PDHX: variants seen among roughly 807,000 people sequenced by gnomAD.
The protein encoded by PDHX is pyruvate dehydrogenase protein X component, mitochondrial.
A neutral mutation model predicts 55.3 loss-of-function variants in PDHX; 33 were observed. The observed-to-expected ratio is 0.60, with a 90% CI of 0.45 to 0.80. The LOEUF (loss-of-function observed/expected upper bound fraction) is 0.80, where lower values mean the gene tolerates loss of function less well. Among genes scored for constraint, PDHX ranks in the 30% least tolerant of loss-of-function variants. The pLI is 0.00. For missense variants in PDHX, 622 were observed against 619.9 expected (o/e 1.00, Z -0.04); for synonymous variants, 226 against 219.4 (o/e 1.03, Z -0.27).
intron 5 of PDHX, among the ~76,000 whole-genome samples, chr11:34,963,388 A>G (rs1032547234): frequency 6.6e-6 from 1 of 152,044 alleles, no homozygotes; most frequent in Non-Finnish European, 1.5e-5. Context: ...AAGTGGTCCT[A>G]TCACCTCAAC....
rs776560983 is a variant in PDHX, at chr11:34,984,563, T to C, written c.1024-7T>C. On this transcript the variant is annotated splice_polypyrimidine_tract_variant and splice_region_variant and intron_variant, in intron 8 of 10. Transcript: ENST00000227868. The stretch of plus-strand genomic sequence containing the variant: ...TTTTAGTAACATTTTTCTTTTTCTA[T>C]TTCTAGCAAATGCCAGATGTTAATG... 57 of 1,613,688 alleles carry C rather than the reference T, an allele frequency of 3.5e-5. No individual in the cohort carries two copies. The highest frequency in any genetic ancestry group is 4.3e-5 in the Non-Finnish European group (51 of 1,179,736).
intron 5 of PDHX, among the ~76,000 whole-genome samples, chr11:34,965,841 AT>A (rs1433813891): frequency 5.9e-5 from 9 of 152,154 alleles, no homozygotes; most frequent in East Asian, 3.9e-4. Context: ...ATATAAAACA[AT>A]TTTTTTTCTT....
intron 2 of PDHX, among the ~76,000 whole-genome samples, chr11:34,934,746 T>C (rs1199469756): frequency 6.6e-6 from 1 of 151,460 alleles, no homozygotes; most frequent in East Asian, 1.9e-4. Context: ...GCCTGGTTAG[T>C]TTTTTGTATT....
intron 2 of PDHX, among the ~76,000 whole-genome samples, chr11:34,941,217 ATAT>A (rs1434498069): frequency 6.6e-6 from 1 of 152,108 alleles, no homozygotes; most frequent in Non-Finnish European, 1.5e-5. Flanking sequence ...GGCCATGCAA[ATAT>A]TATCCTTCTT....
At chr11:34,937,804 C>G (rs570261836) in intron 2 of PDHX, among the ~76,000 whole-genome samples, 1 of 152,134 alleles carries the variant, frequency 6.6e-6, no homozygotes, top group African/African-American at 2.4e-5. Flanking sequence ...CTGGGCTGAT[C>G]GCCTCCCTGG....
intron 3 of PDHX, among the ~76,000 whole-genome samples, chr11:34,953,491 A>G (rs1278786909): frequency 1.3e-5 from 2 of 152,300 alleles, no homozygotes; most frequent in Admixed American, 1.3e-4. Flanking sequence ...TATCAACTCT[A>G]ATTTTTTCAT....
intron 2 of PDHX, among the ~76,000 whole-genome samples, chr11:34,941,418 G>A (rs754001983): frequency 7.2e-5 from 11 of 152,100 alleles, no homozygotes; most frequent in Admixed American, 2.0e-4. Flanking sequence ...TCATAGTGTC[G>A]CACACAGTGT....
At chr11:34,947,406 G>C in intron 2 of PDHX, 100 bp from the exon 3 acceptor site, 1 of 794,094 alleles carries the variant, frequency 1.3e-6, no homozygotes, top group Non-Finnish European at 2.1e-6. Context: ...AAATAGCTAC[G>C]GAATATTTTG....
At chr11:34,975,429 CT>C (rs1465162044) in intron 7 of PDHX, among the ~76,000 whole-genome samples, 1 of 151,874 alleles carries the variant, frequency 6.6e-6, no homozygotes, top group Admixed American at 6.6e-5. Flanking sequence ...TTTGTTCATT[CT>C]TTTTTCTCTT....
At chr11:34,917,978 G>A (rs1853776312) in intron 1 of PDHX, among the ~76,000 whole-genome samples, 1 of 152,162 alleles carries the variant, frequency 6.6e-6, no homozygotes, top group Admixed American at 6.5e-5. Flanking sequence ...GACATTTAAT[G>A]GAATGAGCTT....
intron 8 of PDHX, among the ~76,000 whole-genome samples, chr11:34,981,224 C>G (rs1006943057): frequency 1.2e-4 from 18 of 152,028 alleles, no homozygotes; most frequent in Admixed American, 2.6e-4. Context: ...TTGTTCAATT[C>G]CCACCTATGA....
chr11:34,951,364 C>T (rs536186126), intron 3 of PDHX, among the ~76,000 whole-genome samples: 1 of 152,076 alleles, frequency 6.6e-6, no homozygotes, highest in Non-Finnish European at 1.5e-5. Context: ...CGGCCTGTTT[C>T]CTGACTTTTT....
At chr11:34,951,648 C>T (rs1854771838) in intron 3 of PDHX, among the ~76,000 whole-genome samples, 1 of 152,046 alleles carries the variant, frequency 6.6e-6, no homozygotes, top group Admixed American at 6.6e-5. Flanking sequence ...TTATAGGTTG[C>T]CTGTTCACTC....
rs1855145182 is a variant in PDHX, at chr11:34,966,810, C to T, written c.812C>T (p.Ala271Val). ...GTATCAACTCCTGGACAACCCAATGCAGTGGTAGTGTTCTCTAAGTGGATT... is the reference window on the plus strand; with the variant it reads ...GTATCAACTCCTGGACAACCCAATGTAGTGGTAGTGTTCTCTAAGTGGATT... ...PPVSTPGQPN[A>V]VGTFTEIPAS... The change falls in exon 6 of 11, where the codon GCA (alanine) becomes GTA (valine). Residue 271 changes from alanine (A) to valine (V), a missense_variant. Physicochemically the swap from Ala to Val is moderately conservative, Grantham distance 64. Transcript: ENST00000227868. The T allele has an allele frequency of 1.2e-6, 2 of 1,612,192 alleles. No individual in the cohort carries two copies. The highest frequency in any genetic ancestry group is 1.3e-5 in the African/African-American group (1 of 74,966).
At position 34,961,953 on chromosome 11, in the gene PDHX, T is replaced by A. The variant is rs367548481; in HGVS notation, c.641+1435T>A. On this transcript the variant is annotated intron_variant, in intron 5 of 10. Coordinates refer to ENST00000227868, the MANE Select transcript of PDHX (RefSeq NM_003477.3). ...GTTTTTTCCCCACACCAATCCTGAT[T>A]TGTGTCTACTGTTGGTATCTTAATC... Among the ~76,000 whole-genome samples the A allele has an allele frequency of 6.2e-4, 94 of 152,318 alleles. 1 individual carries two copies. Among genetic ancestry groups the A allele is most frequent in the South Asian group, 5.2e-3 (25 of 4,826 alleles).
Position 34,995,191 on chromosome 11 carries a change from T to G in PDHX, c.*19T>G. 1 of 1,613,200 alleles carries G rather than the reference T, an allele frequency of 6.2e-7. No individual in the cohort carries two copies. Among genetic ancestry groups the G allele is most frequent in the Non-Finnish European group, 8.5e-7 (1 of 1,179,604 alleles). On this transcript the variant is annotated 3_prime_UTR_variant, in exon 11 of 11. Coordinates refer to ENST00000227868, the MANE Select transcript of PDHX (RefSeq NM_003477.3). ...TGCCTAGTCCTCAAAGATAAGAAGTTGGTGTTCAGCTTAGTTGATTCAGTA... is the reference window on the plus strand; with the variant it reads ...TGCCTAGTCCTCAAAGATAAGAAGTGGGTGTTCAGCTTAGTTGATTCAGTA...
chr11:34,949,598 C>T (rs1344083842), intron 3 of PDHX, among the ~76,000 whole-genome samples: 1 of 152,200 alleles, frequency 6.6e-6, no homozygotes, highest in Admixed American at 6.5e-5. Flanking sequence ...ATCAGTTCAT[C>T]AGCTTATTCT....
chr11:34,960,706 T>C (rs532380045), intron 5 of PDHX, among the ~76,000 whole-genome samples, 188 bp downstream of exon 5: 2 of 152,356 alleles, frequency 1.3e-5, no homozygotes, highest in East Asian at 1.9e-4. Flanking sequence ...TGAATAATTA[T>C]AGCATTACTG....
At chr11:34,921,492 T>G (rs549933176) in intron 1 of PDHX, among the ~76,000 whole-genome samples, 2 of 152,346 alleles carry the variant, frequency 1.3e-5, no homozygotes, top group Non-Finnish European at 2.9e-5. Flanking sequence ...CAAGGCTGAT[T>G]CTTTCGAAGG....
Sources: gnomAD v4.1 joint callset for allele counts (sites outside exome capture counted in the v4.1 genomes callset) on GRCh38, gnomAD v4.1.1 for gene constraint, MANE v1.5 for transcripts, NCBI Gene and HGNC (gene_info 2026-07-23, HGNC 2026-07-21) for gene names.